Variants in TCF7L2 observed in about 807,000 individuals in gnomAD.
TCF7L2 encodes the protein transcription factor 7 like 2.
In TCF7L2, 23 loss-of-function variants were observed where a neutral mutation model predicts 77.9. That is an observed-to-expected ratio of 0.30 (90% CI 0.21 to 0.42). The LOEUF (loss-of-function observed/expected upper bound fraction) is 0.42. TCF7L2 is among the 10% of genes least tolerant of loss of function. TCF7L2 has a pLI of 1.00. For synonymous variants in TCF7L2, 413 were observed against 340.2 expected (o/e 1.21, Z -2.36); for missense variants, 654 against 793.1 (o/e 0.82, Z 2.11).
chr10:113,043,135 G>A (rs1441070605), intron 5 of TCF7L2, among the ~76,000 whole-genome samples: 4 of 152,130 alleles, frequency 2.6e-5, no homozygotes, highest in South Asian at 2.1e-4. Flanking sequence ...CTAATGTCTC[G>A]CTTGAAGAAT....
intron 5 of TCF7L2, among the ~76,000 whole-genome samples, chr10:113,101,874 C>T (rs1028713262): frequency 7.8e-6 from 1 of 128,532 alleles, no homozygotes; most frequent in Non-Finnish European, 1.6e-5. Flanking sequence ...TGTGGTGGCT[C>T]ATGCCTATAA....
At chr10:113,085,368 C>T (rs1423032139) in intron 5 of TCF7L2, among the ~76,000 whole-genome samples, 1 of 152,074 alleles carries the variant, frequency 6.6e-6, no homozygotes, top group Non-Finnish European at 1.5e-5. Flanking sequence ...CCACACCCAG[C>T]CCTGAGTGAC....
chr10:113,098,072 A>C (rs1302288637), intron 5 of TCF7L2, among the ~76,000 whole-genome samples: 1 of 149,580 alleles, frequency 6.7e-6, no homozygotes, highest in African/African-American at 2.5e-5. Context: ...AAAAAAAAAA[A>C]AGAAGAAGAA....
chr10:113,137,354 G>A (rs975510845), intron 5 of TCF7L2, among the ~76,000 whole-genome samples: 10 of 152,304 alleles, frequency 6.6e-5, no homozygotes, highest in African/African-American at 1.7e-4. Context: ...TGTATTGCAC[G>A]TTTAGCTTGT....
chr10:113,050,778 C>T (rs572853366), intron 5 of TCF7L2, among the ~76,000 whole-genome samples: 2 of 152,316 alleles, frequency 1.3e-5, no homozygotes, highest in South Asian at 4.1e-4. Context: ...AGGCCATCTC[C>T]ATTTTTAGTA....
chr10:113,128,998 A>G (rs1043824837), intron 5 of TCF7L2, among the ~76,000 whole-genome samples: 2 of 152,048 alleles, frequency 1.3e-5, no homozygotes, highest in African/African-American at 4.8e-5. Context: ...ACAAAACTCA[A>G]CAGTCAAAAA....
chr10:113,123,672 C>A (rs923160289), intron 5 of TCF7L2, among the ~76,000 whole-genome samples: 4 of 152,026 alleles, frequency 2.6e-5, no homozygotes, highest in African/African-American at 9.7e-5. Flanking sequence ...GGGAATATAT[C>A]CTTAAGTGAA....
At chr10:112,964,658 G>T in intron 4 of TCF7L2, 34 bp downstream of exon 4, 2 of 1,584,026 alleles carry the variant, frequency 1.3e-6, no homozygotes, top group Non-Finnish European at 1.7e-6. Context: ...AGCTTGAATT[G>T]TCTATATGTA....
At position 113,073,572 on chromosome 10, in the gene TCF7L2, G is replaced by A. The variant is rs1281686250; in HGVS notation, c.552+33446G>A. ...CTGGGGGTGGTGGTGTGCTCCTATA[G>A]CTCCAGCTACTCAGGAGGCTGAGGC... On this transcript the variant is annotated intron_variant, in intron 5 of 13. Coordinates refer to ENST00000627217, the MANE Select transcript of TCF7L2 (RefSeq NM_001146274.2). Among the ~76,000 whole-genome samples, 3 of 145,698 alleles carry A rather than the reference G, an allele frequency of 2.1e-5. No individual in the cohort carries two copies. In the Admixed American group the frequency reaches 2.1e-4, roughly 10 times the overall value.
At chr10:112,960,833 G>T in intron 3 of TCF7L2, among the ~76,000 whole-genome samples, 1 of 145,512 alleles carries the variant, frequency 6.9e-6, no homozygotes. Flanking sequence ...GATTATAGGC[G>T]CACACCACCA....
chr10:113,012,015 C>T (rs909163479), intron 4 of TCF7L2, among the ~76,000 whole-genome samples: 1 of 151,960 alleles, frequency 6.6e-6, no homozygotes, highest in Non-Finnish European at 1.5e-5. Context: ...GTTACTGCCT[C>T]GAGTATTGCC....
chr10:113,014,926 G>A (rs2047087225), intron 4 of TCF7L2, among the ~76,000 whole-genome samples: 1 of 152,244 alleles, frequency 6.6e-6, no homozygotes, highest in Non-Finnish European at 1.5e-5. Context: ...AGTGGCTCAT[G>A]CCTATAATCC....
chr10:113,118,747 A>G (rs960736806), intron 5 of TCF7L2, among the ~76,000 whole-genome samples: 5 of 148,782 alleles, frequency 3.4e-5, no homozygotes, highest in Non-Finnish European at 7.4e-5. Flanking sequence ...CAGGCTGCAT[A>G]TTTTATAAAC....
intron 5 of TCF7L2, among the ~76,000 whole-genome samples, chr10:113,048,178 C>T (rs1334056673): frequency 1.3e-5 from 2 of 152,110 alleles, no homozygotes; most frequent in East Asian, 3.9e-4. Flanking sequence ...GTTTACGAAG[C>T]GTGGGAGCCT....
At chr10:113,101,115 A>G (rs1362928737) in intron 5 of TCF7L2, among the ~76,000 whole-genome samples, 1 of 152,108 alleles carries the variant, frequency 6.6e-6, no homozygotes, top group Non-Finnish European at 1.5e-5. Flanking sequence ...TGTGTATCTT[A>G]TCCTTCTCAG....
In TCF7L2 at chr10:113,014,953, C is replaced by T. The variant is rs149857504; in HGVS notation, c.451-25072C>T. Among the ~76,000 whole-genome samples the T allele has an allele frequency of 2.4e-4, 37 of 152,232 alleles. No homozygotes were observed. In the East Asian group the frequency reaches 2.7e-3, roughly 11 times the overall value. The stretch of plus-strand genomic sequence containing the variant: ...CTATAATCCCAGCACGCTGGGAGGC[C>T]GAGGCAGGTGGTCACTTAGGCCAGG... On this transcript the variant is annotated intron_variant, in intron 4 of 13. Coordinates refer to ENST00000627217, the MANE Select transcript of TCF7L2 (RefSeq NM_001146274.2).
chr10:113,094,635 A>C (rs2060749129), intron 5 of TCF7L2, among the ~76,000 whole-genome samples: 1 of 152,242 alleles, frequency 6.6e-6, no homozygotes, highest in African/African-American at 2.4e-5. Flanking sequence ...TCAGTCTTTT[A>C]AAAAATGTGA....
chr10:113,111,886 G>A (rs1460350989), intron 5 of TCF7L2, among the ~76,000 whole-genome samples: 1 of 152,164 alleles, frequency 6.6e-6, no homozygotes, highest in African/African-American at 2.4e-5. Flanking sequence ...TTTTCTGTCT[G>A]TAAAATGGGG....
At chr10:113,084,754 C>G (rs563073023) in intron 5 of TCF7L2, among the ~76,000 whole-genome samples, 3 of 152,006 alleles carry the variant, frequency 2.0e-5, no homozygotes, top group African/African-American at 7.2e-5. Context: ...AAACATTAGC[C>G]GGGAGTGGTG....
Sources: gnomAD v4.1 joint callset for allele counts (sites outside exome capture counted in the v4.1 genomes callset) on GRCh38, gnomAD v4.1.1 for gene constraint, MANE v1.5 for transcripts, NCBI Gene and HGNC (gene_info 2026-07-23, HGNC 2026-07-21) for gene names.